FCHSD2: variants seen among roughly 807,000 people sequenced by gnomAD.
FCHSD2 encodes the protein FCH and double SH3 domains 2.
A neutral mutation model predicts 108.1 loss-of-function variants in FCHSD2; 38 were observed. That is an observed-to-expected ratio of 0.35 (90% CI 0.27 to 0.46). FCHSD2 has a LOEUF of 0.46. Among genes scored for constraint, FCHSD2 ranks in the 20% least tolerant of loss-of-function variants. FCHSD2 has a pLI of 1.00. For synonymous variants in FCHSD2, 279 were observed against 314.7 expected, an observed-to-expected ratio of 0.89 and a Z score of 1.20; for missense variants, 751 against 897.8, an observed-to-expected ratio of 0.84 and a Z score of 2.09.
At chr11:73,021,526 AGAG>A (rs962922240) in intron 3 of FCHSD2, among the ~76,000 whole-genome samples, 10 of 152,148 alleles carry the variant, frequency 6.6e-5, no homozygotes, top group African/African-American at 2.2e-4. Context: ...ATGAACACAT[AGAG>A]GAGAACAACA....
At chr11:72,964,789 CTTTTTTTT>C (rs35280672) in intron 8 of FCHSD2, among the ~76,000 whole-genome samples, 1 of 132,222 alleles carries the variant, frequency 7.6e-6, no homozygotes. Flanking sequence ...GATCATTTCA[CTTTTTTTT>C]TTTTTTTTTT....
At position 72,879,592 on chromosome 11, in the gene FCHSD2, T is replaced by C. The variant is rs143979928; in HGVS notation, c.1146+7878A>G. Among the ~76,000 whole-genome samples, 6 of 152,240 alleles carry C rather than the reference T, an allele frequency of 3.9e-5. No individual in the cohort carries two copies. The East Asian group carries it at 5.8e-4, about 15-fold the overall frequency. The stretch of plus-strand genomic sequence containing the variant: ...TAAAAGAAGAACCACATAGAACTTA[T>C]AGAGCTAAAAATATAACATTTGAAA... On this transcript the variant is annotated intron_variant, in intron 12 of 19. Coordinates refer to ENST00000409418, the MANE Select transcript of FCHSD2 (RefSeq NM_014824.3).
chr11:73,130,240 A>G (rs1223301845), intron 2 of FCHSD2, among the ~76,000 whole-genome samples: 3 of 151,722 alleles, frequency 2.0e-5, no homozygotes, highest in Non-Finnish European at 2.9e-5. Flanking sequence ...AGTATACATA[A>G]AAATTATTCA....
intron 8 of FCHSD2, among the ~76,000 whole-genome samples, chr11:72,972,357 T>C (rs1392925598): frequency 6.6e-6 from 1 of 152,228 alleles, no homozygotes; most frequent in Non-Finnish European, 1.5e-5. Context: ...AGAAATTTGG[T>C]AGTTGGAAAA....
intron 3 of FCHSD2, among the ~76,000 whole-genome samples, chr11:73,049,398 A>T (rs1056695147): frequency 6.6e-6 from 1 of 152,198 alleles, no homozygotes; most frequent in African/African-American, 2.4e-5. Context: ...GGTTTAAAAC[A>T]GTTTCATAGG....
chr11:72,851,515 C>T (rs956550483), intron 13 of FCHSD2, among the ~76,000 whole-genome samples: 4 of 151,856 alleles, frequency 2.6e-5, no homozygotes, highest in African/African-American at 9.7e-5. Flanking sequence ...CCGAGGTGGG[C>T]GGATCACAAG....
chr11:72,849,810 G>A lies in FCHSD2; in HGVS notation c.1388C>T (p.Pro463Leu). ...TGGATAATTTCTTAAGGTGCCAGAA[G>A]GGCTGGAACTGCTGTCATCGAAAAC... ...MDVFDDSSSS[P>L]SGTLRNYPLT... The change falls in exon 14 of 20, where the codon CCT (proline) becomes CTT (leucine). Residue 463 changes from proline (P) to leucine (L), a missense_variant. Transcript: ENST00000409418. 1 of 1,612,640 alleles carries A rather than the reference G, an allele frequency of 6.2e-7. No individual in the cohort carries two copies. The highest frequency in any genetic ancestry group is 8.5e-7 in the Non-Finnish European group (1 of 1,178,726).
rs200590736 is a variant in FCHSD2, at chr11:72,886,084, G to A, written c.1146+1386C>T. On this transcript the variant is annotated intron_variant, in intron 12 of 19. Coordinates refer to ENST00000409418, the MANE Select transcript of FCHSD2 (RefSeq NM_014824.3). ...GAAGCACTTCCTCAAAACCTCTGGAGTTCTAAGGGGGTGTTAGAAAACCAT... is the reference window on the plus strand; with the variant it reads ...GAAGCACTTCCTCAAAACCTCTGGAATTCTAAGGGGGTGTTAGAAAACCAT... Among the ~76,000 whole-genome samples, 29 of 152,282 alleles carry A rather than the reference G, an allele frequency of 1.9e-4. No homozygotes were observed. In the East Asian group the frequency reaches 5.4e-3, roughly 28 times the overall value.
At chr11:73,135,624 A>G (rs532324640) in intron 2 of FCHSD2, among the ~76,000 whole-genome samples, 43 of 152,328 alleles carry the variant, frequency 2.8e-4, no homozygotes, top group African/African-American at 1.0e-3. Flanking sequence ...AGTAGACTCT[A>G]CTTGTCTACT....
At chr11:72,871,793 T>C (rs1244231330) in intron 12 of FCHSD2, among the ~76,000 whole-genome samples, 1 of 151,818 alleles carries the variant, frequency 6.6e-6, no homozygotes, top group Non-Finnish European at 1.5e-5. Flanking sequence ...GTGGTTGCTC[T>C]TTTGCCCAGG....
intron 4 of FCHSD2, among the ~76,000 whole-genome samples, chr11:73,011,442 C>A (rs576586250): frequency 1.6e-3 from 239 of 152,342 alleles, no homozygotes; most frequent in Non-Finnish European, 3.0e-3. Context: ...AGCACTTACA[C>A]TGCTAACCTA....
intron 8 of FCHSD2, among the ~76,000 whole-genome samples, chr11:72,948,148 C>T (rs1162156781): frequency 6.6e-6 from 1 of 152,128 alleles, no homozygotes; most frequent in African/African-American, 2.4e-5. Context: ...GCTGGGATTA[C>T]AGGCATGTGC....
chr11:73,012,817 T>C (rs912327267), intron 4 of FCHSD2, among the ~76,000 whole-genome samples: 2 of 152,240 alleles, frequency 1.3e-5, no homozygotes, highest in African/African-American at 4.8e-5. Flanking sequence ...ATATGTAATT[T>C]GTCTCAGAAC....
At chr11:72,839,337 G>T (rs1457781622) in intron 19 of FCHSD2, among the ~76,000 whole-genome samples, 2 of 152,218 alleles carry the variant, frequency 1.3e-5, no homozygotes, top group Non-Finnish European at 2.9e-5. Context: ...GCTTTATTCT[G>T]TAGGCAAAAG....
At chr11:72,952,466 A>G (rs1370150144) in intron 8 of FCHSD2, among the ~76,000 whole-genome samples, 1 of 151,996 alleles carries the variant, frequency 6.6e-6, no homozygotes, top group Non-Finnish European at 1.5e-5. Context: ...CTGGGATTAC[A>G]GGCATGTGTC....
chr11:72,946,645 G>T (rs796156796), intron 8 of FCHSD2, among the ~76,000 whole-genome samples: 19 of 152,234 alleles, frequency 1.2e-4, no homozygotes, highest in African/African-American at 4.6e-4. Context: ...TAGGTATTGT[G>T]GAAGTATCTA....
chr11:72,868,918 T>C (rs1854790396), intron 12 of FCHSD2, among the ~76,000 whole-genome samples: 1 of 152,082 alleles, frequency 6.6e-6, no homozygotes, highest in Non-Finnish European at 1.5e-5. Context: ...AAATTTTTTA[T>C]TTTTTTGAGA....
Position 72,980,128 on chromosome 11 carries a change from C to A in FCHSD2, c.705+3960G>T, listed in dbSNP as rs575941740. 5.3e-5 allele frequency among the ~76,000 whole-genome samples: 8 copies of A among 152,254 alleles called. No homozygotes were observed. In the South Asian group the frequency reaches 1.2e-3, roughly 24 times the overall value. On this transcript the variant is annotated intron_variant, in intron 8 of 19. Coordinates refer to ENST00000409418, the MANE Select transcript of FCHSD2 (RefSeq NM_014824.3). ...GGACAATATTGAAGCTGTCTTCCAA[C>A]GGTTTCTATCGTCTCTGTAAATTAG...
chr11:73,141,958 C>A lies in FCHSD2; in HGVS notation c.-81G>T. 1 of 1,405,656 alleles carries A rather than the reference C, an allele frequency of 7.1e-7. No homozygotes were observed. The highest frequency in any genetic ancestry group is 9.6e-7 in the Non-Finnish European group (1 of 1,037,098). 87.1% of individuals were successfully genotyped at this position (1,405,656 alleles called of 1,614,324 possible). On this transcript the variant is annotated 5_prime_UTR_variant, in exon 1 of 20. Transcript: ENST00000409418. Reference sequence around the variant, plus strand: ...AGGAGGAGGGCCGGAGAGGAGGGGACGGCCCAGCGAGCGCGCGCGTGTGTG... The same window carrying A: ...AGGAGGAGGGCCGGAGAGGAGGGGAAGGCCCAGCGAGCGCGCGCGTGTGTG...
Sources: gnomAD v4.1 joint callset for allele counts (sites outside exome capture counted in the v4.1 genomes callset) on GRCh38, gnomAD v4.1.1 for gene constraint, MANE v1.5 for transcripts, NCBI Gene and HGNC (gene_info 2026-07-23, HGNC 2026-07-21) for gene names.